The following DLGAP2 variants were observed in gnomAD, a reference collection of about 807,000 sequenced individuals.
DLGAP2 encodes the protein DLG associated protein 2.
A neutral mutation model predicts 100.3 loss-of-function variants in DLGAP2; 26 were observed. The observed-to-expected ratio is 0.26, with a 90% confidence interval of 0.19 to 0.36. The LOEUF (loss-of-function observed/expected upper bound fraction) is 0.36. Among genes scored for constraint, DLGAP2 ranks in the 10% least tolerant of loss-of-function variants. The pLI is 1.00. For synonymous variants in DLGAP2, 886 were observed against 630.1 expected (o/e 1.41, Z -6.08); for missense variants, 1,858 against 1,453.2 (o/e 1.28, Z -4.53).
chr8:1,080,653 C>T (rs1463445501), intron 2 of DLGAP2, among the ~76,000 whole-genome samples: 3 of 152,196 alleles, frequency 2.0e-5, no homozygotes, highest in African/African-American at 4.8e-5. Flanking sequence ...CTCTGTCCTT[C>T]GTGCTGAACG....
chr8:745,062 C>A (rs1024590419), intron 1 of DLGAP2, among the ~76,000 whole-genome samples: 1 of 152,200 alleles, frequency 6.6e-6, no homozygotes, highest in Admixed American at 6.5e-5. Context: ...AAATACACAC[C>A]GTGAATGCCT....
At chr8:1,179,324 C>T (rs1267047676) in intron 2 of DLGAP2, among the ~76,000 whole-genome samples, 1 of 152,202 alleles carries the variant, frequency 6.6e-6, no homozygotes, top group Non-Finnish European at 1.5e-5. Context: ...TTCGCCTGTG[C>T]CAAGGTGGCC....
intron 3 of DLGAP2, among the ~76,000 whole-genome samples, chr8:1,491,635 G>A (rs150688498): frequency 6.6e-6 from 1 of 152,344 alleles, no homozygotes; most frequent in Non-Finnish European, 1.5e-5. Context: ...CATGTATTTG[G>A]AATTTAGATC....
At chr8:971,108 CT>C (rs1278798327) in intron 2 of DLGAP2, among the ~76,000 whole-genome samples, 33 of 152,142 alleles carry the variant, frequency 2.2e-4, no homozygotes, top group Admixed American at 2.2e-3. Context: ...GATAATTGGA[CT>C]TTATCAAAAT....
At chr8:1,502,943 C>G (rs1436581636) in intron 4 of DLGAP2, among the ~76,000 whole-genome samples, 1 of 152,094 alleles carries the variant, frequency 6.6e-6, no homozygotes, top group Non-Finnish European at 1.5e-5. Flanking sequence ...GAGGCTGGAG[C>G]AGGGGGCACA....
chr8:1,374,463 C>T, intron 3 of DLGAP2, among the ~76,000 whole-genome samples: 1 of 152,160 alleles, frequency 6.6e-6, no homozygotes, highest in East Asian at 1.9e-4. Context: ...CGCAAAAGGT[C>T]ACCAGAGTCA....
chr8:1,438,976 T>C (rs1797743627), intron 3 of DLGAP2, among the ~76,000 whole-genome samples: 1 of 152,218 alleles, frequency 6.6e-6, no homozygotes, highest in Non-Finnish European at 1.5e-5. Flanking sequence ...GATTGGCCAC[T>C]TTATAATAGC....
intron 1 of DLGAP2, among the ~76,000 whole-genome samples, chr8:787,449 C>T (rs770536539): frequency 2.0e-5 from 3 of 152,216 alleles, no homozygotes; most frequent in Non-Finnish European, 2.9e-5. Flanking sequence ...CCAAAGAGAG[C>T]GCCCTTCTCC....
At chr8:1,544,042 A>G (rs988334613) in intron 4 of DLGAP2, among the ~76,000 whole-genome samples, 2 of 152,046 alleles carry the variant, frequency 1.3e-5, no homozygotes, top group African/African-American at 2.4e-5. Flanking sequence ...AACTGGGACT[A>G]CATGTGCCTA....
At chr8:1,585,758 C>T (rs544567959) in intron 6 of DLGAP2, among the ~76,000 whole-genome samples, 5 of 152,312 alleles carry the variant, frequency 3.3e-5, no homozygotes, top group East Asian at 1.9e-4. Flanking sequence ...TCCATACACT[C>T]GCAGTCCATT....
chr8:1,189,229 G>A (rs1054234961), intron 2 of DLGAP2, among the ~76,000 whole-genome samples: 9 of 146,680 alleles, frequency 6.1e-5, no homozygotes, highest in Non-Finnish European at 1.2e-4. Flanking sequence ...GGCCGGTTCC[G>A]CGGTTGGGGT....
chr8:1,042,975 GTGGATGTGGGTGA>G (rs1802402923), intron 2 of DLGAP2, among the ~76,000 whole-genome samples: 3 of 138,120 alleles, frequency 2.2e-5, no homozygotes, highest in Non-Finnish European at 3.1e-5. Context: ...GATGTGGGTG[GTGGATGTGGGTGA>G]TGGATGTGGG....
At chr8:1,371,677 C>G (rs1802241117) in intron 3 of DLGAP2, among the ~76,000 whole-genome samples, 1 of 152,170 alleles carries the variant, frequency 6.6e-6, no homozygotes, top group Non-Finnish European at 1.5e-5. Context: ...TAAATCATTG[C>G]TAACAGGACA....
At chr8:1,322,506 C>A (rs569324355) in intron 3 of DLGAP2, among the ~76,000 whole-genome samples, 2 of 151,954 alleles carry the variant, frequency 1.3e-5, no homozygotes. Flanking sequence ...TGACTTCACA[C>A]GTGTTGATCT....
intron 1 of DLGAP2, among the ~76,000 whole-genome samples, chr8:879,873 C>T (rs138213939): frequency 5.3e-5 from 8 of 152,320 alleles, no homozygotes; most frequent in African/African-American, 1.9e-4. Context: ...CTGTCTTCTC[C>T]ATGTCATTGT....
At chr8:1,590,065 G>T (rs752200318) in intron 6 of DLGAP2, among the ~76,000 whole-genome samples, 1 of 152,192 alleles carries the variant, frequency 6.6e-6, no homozygotes, top group Non-Finnish European at 1.5e-5. Flanking sequence ...CCGCCTCAGT[G>T]TCCGTGGCTG....
intron 5 of DLGAP2, among the ~76,000 whole-genome samples, chr8:1,561,309 ACCT>A (rs2130559005): frequency 6.6e-6 from 1 of 151,986 alleles, no homozygotes; most frequent in East Asian, 1.9e-4. Flanking sequence ...TGCATACAAT[ACCT>A]CCAATTCCCT....
chr8:1,328,763 G>T (rs955243522), intron 3 of DLGAP2, among the ~76,000 whole-genome samples: 1 of 152,174 alleles, frequency 6.6e-6, no homozygotes, highest in South Asian at 2.1e-4. Flanking sequence ...CCATAATAAC[G>T]GGAGACGGCG....
chr8:804,215 A>G (rs1563040468), intron 1 of DLGAP2, among the ~76,000 whole-genome samples: 1 of 152,180 alleles, frequency 6.6e-6, no homozygotes, highest in South Asian at 2.1e-4. Context: ...AGTCAGAGCT[A>G]TTCTAGATTT....
Sources: gnomAD v4.1 joint callset for allele counts (sites outside exome capture counted in the v4.1 genomes callset) on GRCh38, gnomAD v4.1.1 for gene constraint, MANE v1.5 for transcripts, NCBI Gene and HGNC (gene_info 2026-07-23, HGNC 2026-07-21) for gene names.